CTNNA3: variants seen among roughly 807,000 people sequenced by gnomAD.
The protein encoded by CTNNA3 is catenin alpha 3.
Under a neutral mutation model 95.7 loss-of-function variants are expected in CTNNA3, and 76 were observed. The observed-to-expected ratio is 0.79, with a 90% confidence interval of 0.66 to 0.96. CTNNA3 has a LOEUF of 0.96. Among genes scored for constraint, CTNNA3 ranks in the 40% least tolerant of loss-of-function variants. The pLI is 0.00. For missense variants in CTNNA3, 1,191 were observed against 1,089.8 expected (o/e 1.09, Z -1.31); for synonymous variants, 431 against 374.4 (o/e 1.15, Z -1.74).
chr10:67,448,671 A>G lies in CTNNA3; in HGVS notation c.579+73171T>C, dbSNP rs543829049. Reference sequence around the variant, plus strand: ...TACATTTTATACTAAAAGAAATTCTATGCGAGTTGAAGAGTTAAGATGGAA... The same window carrying G: ...TACATTTTATACTAAAAGAAATTCTGTGCGAGTTGAAGAGTTAAGATGGAA... On this transcript the variant is annotated intron_variant, in intron 5 of 17. Transcript: ENST00000433211. 2.9e-4 allele frequency among the ~76,000 whole-genome samples: 44 copies of G among 151,622 alleles called. 1 individual carries two copies. The South Asian group carries it at 4.1e-3, about 14-fold the overall frequency.
intron 12 of CTNNA3, among the ~76,000 whole-genome samples, chr10:66,303,913 G>A (rs555859492): frequency 2.0e-5 from 3 of 151,976 alleles, no homozygotes; most frequent in Non-Finnish European, 2.9e-5. Flanking sequence ...AACTTTAAAG[G>A]GCAATTTTTA....
At chr10:66,456,840 T>C (rs2093498032) in intron 11 of CTNNA3, among the ~76,000 whole-genome samples, 1 of 152,132 alleles carries the variant, frequency 6.6e-6, no homozygotes, top group Non-Finnish European at 1.5e-5. Context: ...ATGTCTGTAA[T>C]CCTAGCACTT....
In CTNNA3 at chr10:66,479,950, TCACA is replaced by T. The variant is rs71466882; in HGVS notation, c.1531+40663_1531+40666del. 5.6e-4 allele frequency among the ~76,000 whole-genome samples: 81 copies of T among 145,452 alleles called. No individual in the cohort carries two copies. In the Middle Eastern group the frequency reaches 0.018, roughly 32 times the overall value. On this transcript the variant is annotated intron_variant, in intron 11 of 17. Transcript: ENST00000433211. Reference sequence around the variant, plus strand: ...AAGATAATTAAAAATACCAAAGCATTCACACACACACACACACACACACACACAC... The same window carrying T: ...AAGATAATTAAAAATACCAAAGCATTCACACACACACACACACACACACAC...
intron 13 of CTNNA3, among the ~76,000 whole-genome samples, chr10:66,265,838 T>A (rs1378120988): frequency 6.6e-6 from 1 of 152,028 alleles, no homozygotes; most frequent in Non-Finnish European, 1.5e-5. Context: ...AACTACTTTA[T>A]CCATATCTTT....
chr10:66,513,470 C>T (rs926976926), intron 11 of CTNNA3, among the ~76,000 whole-genome samples: 8 of 152,152 alleles, frequency 5.3e-5, no homozygotes, highest in Non-Finnish European at 1.0e-4. Context: ...GGCAAGCAGT[C>T]CTTGGATCCC....
chr10:65,925,183 CA>C (rs1446961702), intron 17 of CTNNA3, among the ~76,000 whole-genome samples: 1 of 152,182 alleles, frequency 6.6e-6, no homozygotes, highest in Non-Finnish European at 1.5e-5. Context: ...TCTACCCAAA[CA>C]CTAGTCTAAA....
intron 7 of CTNNA3, among the ~76,000 whole-genome samples, chr10:67,080,281 G>A (rs1451936192): frequency 6.6e-6 from 1 of 152,108 alleles, no homozygotes; most frequent in Non-Finnish European, 1.5e-5. Flanking sequence ...TATCTTATGG[G>A]GGTGGAAAGA....
chr10:67,356,856 C>A (rs1014617012), intron 5 of CTNNA3, among the ~76,000 whole-genome samples: 1 of 152,030 alleles, frequency 6.6e-6, no homozygotes, highest in South Asian at 2.1e-4. Context: ...AGCTTTCCAC[C>A]CACTTGAACC....
In CTNNA3 at chr10:67,219,820, T is replaced by C; in HGVS notation, c.630A>G (p.Ser210=). 1 of 1,613,662 alleles carries C rather than the reference T, an allele frequency of 6.2e-7. No individual in the cohort carries two copies. Among genetic ancestry groups the C allele is most frequent in the Non-Finnish European group, 8.5e-7 (1 of 1,179,666 alleles). ...GCAAGAGGGGAGAGTTCTCCTTCAG[T>C]GAAGCTCGGGCTCCTGCAATTTCAT... ...QRDEIAGARA[S]LKENSPLLHS... is the part of the protein sequence containing the mutation. The change falls in exon 6 of 18, where the codon TCA becomes TCG. Residue 210 remains serine, a synonymous_variant. Coordinates refer to ENST00000433211, the MANE Select transcript of CTNNA3 (RefSeq NM_013266.4).
intron 5 of CTNNA3, among the ~76,000 whole-genome samples, chr10:67,432,549 C>G (rs547394295): frequency 1.4e-4 from 21 of 152,092 alleles, no homozygotes; most frequent in African/African-American, 4.6e-4. Context: ...GGTGCTATCA[C>G]TCCGGTCTTT....
chr10:66,084,178 G>GAAAGAAA (rs71474015), intron 14 of CTNNA3, among the ~76,000 whole-genome samples: 39,924 of 146,144 alleles, frequency 0.27, 6,170 homozygotes, highest in South Asian at 0.41. Flanking sequence ...AAAAGAAAAG[G>GAAAGAAA]AAAGAAAAAA....
At chr10:67,452,450 G>A (rs77340798) in intron 5 of CTNNA3, among the ~76,000 whole-genome samples, 4,511 of 152,176 alleles carry the variant, frequency 0.03, 213 homozygotes, top group African/African-American at 0.098. Context: ...GTATTTATGT[G>A]TGAGCAAGAA....
At chr10:66,405,378 A>C (rs1015691169) in intron 11 of CTNNA3, among the ~76,000 whole-genome samples, 2 of 152,152 alleles carry the variant, frequency 1.3e-5, no homozygotes, top group African/African-American at 4.8e-5. Context: ...AAATTGCGTT[A>C]ATATTCCAAC....
chr10:66,195,369 A>G (rs1159426051), intron 13 of CTNNA3, among the ~76,000 whole-genome samples: 1 of 152,240 alleles, frequency 6.6e-6, no homozygotes, highest in South Asian at 2.1e-4. Flanking sequence ...GAAAGATTAA[A>G]AAGGCAATAT....
chr10:66,238,016 C>T (rs1175915021), intron 13 of CTNNA3, among the ~76,000 whole-genome samples: 4 of 151,866 alleles, frequency 2.6e-5, no homozygotes, highest in Admixed American at 6.6e-5. Flanking sequence ...CTTATTTCAA[C>T]ATATAAAATA....
At chr10:66,055,476 T>C (rs530073447) in intron 15 of CTNNA3, among the ~76,000 whole-genome samples, 1 of 152,224 alleles carries the variant, frequency 6.6e-6, no homozygotes, top group Non-Finnish European at 1.5e-5. Flanking sequence ...TTTGTGGCTA[T>C]TGTAATGGGA....
intron 12 of CTNNA3, among the ~76,000 whole-genome samples, chr10:66,286,316 T>C (rs1381654936): frequency 6.6e-6 from 1 of 152,032 alleles, no homozygotes; most frequent in Non-Finnish European, 1.5e-5. Flanking sequence ...TTGTTCCCTT[T>C]TAATATCTCT....
chr10:66,813,224 G>A (rs942135871), intron 7 of CTNNA3, among the ~76,000 whole-genome samples: 13 of 152,176 alleles, frequency 8.5e-5, no homozygotes, highest in African/African-American at 3.1e-4. Flanking sequence ...ATCTAAGACA[G>A]CCTTCTCTGC....
intron 1 of CTNNA3, among the ~76,000 whole-genome samples, chr10:67,707,949 A>G (rs958636485): frequency 1.1e-4 from 17 of 152,090 alleles, no homozygotes; most frequent in Non-Finnish European, 1.3e-4. Flanking sequence ...GTCTTTATGT[A>G]TTATAGTTAC....
Sources: allele counts gnomAD v4.1 joint callset (sites outside exome capture counted in the v4.1 genomes callset), GRCh38; gene constraint gnomAD v4.1.1; transcripts MANE v1.5; gene names NCBI Gene and HGNC (gene_info 2026-07-23, HGNC 2026-07-21).